The following ZCWPW2 variants were observed in gnomAD, a reference collection of about 807,000 sequenced individuals.
ZCWPW2 encodes zinc finger CW-type and PWWP domain containing 2.
A neutral mutation model predicts 46.6 loss-of-function variants in ZCWPW2; 45 were observed. The ratio of observed to expected loss-of-function variants is 0.96; its 90% CI spans 0.76 to 1.24. ZCWPW2 has a LOEUF of 1.24. ZCWPW2 is among the 50% of genes most tolerant of loss of function. The pLI, the probability that ZCWPW2 is intolerant of heterozygous loss-of-function variation, is 0.00. For missense variants in ZCWPW2, 429 were observed against 403.9 expected (o/e 1.06, Z -0.53); for synonymous variants, 152 against 137.1 (o/e 1.11, Z -0.76).
intron 1 of ZCWPW2, among the ~76,000 whole-genome samples, chr3:28,384,462 A>G (rs2125712829): frequency 6.6e-6 from 1 of 152,214 alleles, no homozygotes; most frequent in East Asian, 1.9e-4. Context: ...CAGACTATGT[A>G]TTCTGGGTAT....
intron 1 of ZCWPW2, among the ~76,000 whole-genome samples, chr3:28,390,036 C>T (rs1241602519): frequency 1.3e-5 from 2 of 152,284 alleles, no homozygotes; most frequent in South Asian, 2.1e-4. Context: ...TACCTAGGCA[C>T]CATGGCCCAG....
At chr3:28,487,908 G>T (rs1338441314) in intron 5 of ZCWPW2, among the ~76,000 whole-genome samples, 1 of 151,998 alleles carries the variant, frequency 6.6e-6, no homozygotes, top group Non-Finnish European at 1.5e-5. Flanking sequence ...CTTCCCCCAG[G>T]TCAGGCTGGG....
At chr3:28,423,465 C>A (rs1021313084) in intron 3 of ZCWPW2, among the ~76,000 whole-genome samples, 1 of 149,960 alleles carries the variant, frequency 6.7e-6, no homozygotes, top group African/African-American at 2.5e-5. Context: ...CTCCCGGGTT[C>A]ACGCCATTCT....
At chr3:28,501,568 A>G (rs755742669) in intron 6 of ZCWPW2, among the ~76,000 whole-genome samples, 4 of 152,200 alleles carry the variant, frequency 2.6e-5, no homozygotes, top group Non-Finnish European at 5.9e-5. Flanking sequence ...TAAAATTTAA[A>G]CACAGTGAAA....
In ZCWPW2 at chr3:28,489,470, G is replaced by A. The variant is rs146932522; in HGVS notation, c.611-2657G>A. Among the ~76,000 whole-genome samples the A allele has an allele frequency of 7.7e-3, 1,167 of 151,632 alleles. 15 individuals are homozygous for A. The highest frequency in any genetic ancestry group is 0.026 in the African/African-American group (1,078 of 41,320). ...TATTTTTTCCCATTTCTTGAAACAC[G>A]CTGATATTTTATTATTACTCATCAA... On this transcript the variant is annotated intron_variant, in intron 5 of 9. Transcript: ENST00000383768.
chr3:28,377,956 T>C (rs1167382421), intron 1 of ZCWPW2, among the ~76,000 whole-genome samples: 3 of 152,072 alleles, frequency 2.0e-5, no homozygotes, highest in African/African-American at 7.2e-5. Context: ...ACACCAGCCA[T>C]TAAATATGCC....
chr3:28,400,945 C>T (rs564985136), intron 2 of ZCWPW2, among the ~76,000 whole-genome samples: 85 of 152,086 alleles, frequency 5.6e-4, no homozygotes, highest in Non-Finnish European at 1.0e-3. Context: ...GTTGGGAGGC[C>T]GAGGCAGGTG....
intron 4 of ZCWPW2, among the ~76,000 whole-genome samples, chr3:28,467,161 G>T (rs940344593): frequency 1.3e-5 from 2 of 152,098 alleles, no homozygotes; most frequent in Non-Finnish European, 2.9e-5. Context: ...AATAAGAAAA[G>T]TTGTATTGTT....
intron 6 of ZCWPW2, among the ~76,000 whole-genome samples, chr3:28,512,224 C>T (rs1700447108): frequency 6.6e-6 from 1 of 151,730 alleles, no homozygotes; most frequent in Non-Finnish European, 1.5e-5. Flanking sequence ...GTCACCCAGG[C>T]TGGAGTTCAG....
chr3:28,363,469 T>C (rs552482656), intron 1 of ZCWPW2, among the ~76,000 whole-genome samples: 2 of 152,278 alleles, frequency 1.3e-5, no homozygotes, highest in Non-Finnish European at 2.9e-5. Flanking sequence ...TAACCATATC[T>C]TTTACCTTTT....
chr3:28,465,703 A>G (rs892593261), intron 4 of ZCWPW2, among the ~76,000 whole-genome samples: 1 of 152,188 alleles, frequency 6.6e-6, no homozygotes, highest in Non-Finnish European at 1.5e-5. Context: ...AAGAAAAATT[A>G]CATTATTGTA....
chr3:28,443,004 G>A (rs1243767708), intron 4 of ZCWPW2, among the ~76,000 whole-genome samples: 1 of 152,142 alleles, frequency 6.6e-6, no homozygotes, highest in African/African-American at 2.4e-5. Flanking sequence ...CCAATGTGGG[G>A]GTTCTGCCTG....
At chr3:28,443,005 G>A (rs768519899) in intron 4 of ZCWPW2, among the ~76,000 whole-genome samples, 9 of 152,162 alleles carry the variant, frequency 5.9e-5, no homozygotes, top group Non-Finnish European at 1.0e-4. Flanking sequence ...CAATGTGGGG[G>A]TTCTGCCTGC....
intron 6 of ZCWPW2, among the ~76,000 whole-genome samples, chr3:28,507,337 G>A (rs1195814599): frequency 6.6e-6 from 1 of 152,036 alleles, no homozygotes; most frequent in African/African-American, 2.4e-5. Flanking sequence ...TTCACTTGTT[G>A]TTATCTTTTA....
chr3:28,420,984 G>A (rs922633998), intron 3 of ZCWPW2, among the ~76,000 whole-genome samples: 2 of 151,964 alleles, frequency 1.3e-5, no homozygotes, highest in African/African-American at 4.8e-5. Context: ...TGTTCATTTG[G>A]TTCTTTATAT....
rs562338924 is a variant in ZCWPW2, at chr3:28,438,522, TAAACAAAAACAA to T, written c.492+3254_492+3265del. Among the ~76,000 whole-genome samples the T allele has an allele frequency of 5.3e-5, 8 of 152,256 alleles. No homozygotes were observed. In the South Asian group the frequency reaches 1.7e-3, roughly 32 times the overall value. On this transcript the variant is annotated intron_variant, in intron 4 of 9. Transcript: ENST00000383768. ...AAGATAGCCGACAACAATAAAAAGA[TAAACAAAAACAA>T]TAACAAAAACAGCAAATTGTGGGGA...
At chr3:28,406,311 A>C (rs1305443174) in intron 2 of ZCWPW2, among the ~76,000 whole-genome samples, 2 of 152,200 alleles carry the variant, frequency 1.3e-5, no homozygotes, top group African/African-American at 4.8e-5. Context: ...TGGCAATCTC[A>C]ACAGAAGCCA....
rs971281386 is a variant in ZCWPW2, at chr3:28,521,104, T to C, written c.897T>C (p.Asn299=). The change falls in exon 9 of 10, where the codon AAT becomes AAC. Residue 299 remains asparagine, a synonymous_variant. Coordinates refer to ENST00000383768, the MANE Select transcript of ZCWPW2 (RefSeq NM_001040432.4). ...AAGAAGGACATGGAGAGGAAATAAA[T>C]ATGGGAGAAAAGGTAATATTGATAG... is the stretch of plus-strand genomic sequence containing the variant. The part of the protein sequence containing the change: ...ESEEGHGEEI[N]MGEKLSKCSP... The C allele has an allele frequency of 2.5e-6, 4 of 1,602,504 alleles. No homozygotes were observed. The African/African-American group carries it at 4.1e-5, about 16-fold the overall frequency.
At chr3:28,404,332 C>G (rs886643704) in intron 2 of ZCWPW2, among the ~76,000 whole-genome samples, 2 of 151,832 alleles carry the variant, frequency 1.3e-5, no homozygotes, top group Non-Finnish European at 2.9e-5. Context: ...AATGCGATAC[C>G]ACCTTACTCT....
Sources: gnomAD v4.1 joint callset for allele counts (sites outside exome capture counted in the v4.1 genomes callset) on GRCh38, gnomAD v4.1.1 for gene constraint, MANE v1.5 for transcripts, NCBI Gene and HGNC (gene_info 2026-07-23, HGNC 2026-07-21) for gene names.